PCDHA4: variants seen among roughly 807,000 people sequenced by gnomAD.
PCDHA4 encodes protocadherin alpha 4.
PCDHA4 carries 49 observed loss-of-function variants against 61.4 expected under a neutral mutation model. The ratio of observed to expected loss-of-function variants is 0.80; its 90% CI spans 0.63 to 1.01. The LOEUF is 1.01. Ranked by LOEUF, PCDHA4 falls within the 50% of genes least tolerant of loss-of-function variation. The pLI is 0.00. For synonymous variants in PCDHA4, 590 were observed against 550.3 expected, an observed-to-expected ratio of 1.07 and a Z score of -1.01; for missense variants, 1,254 against 1,235.8, an observed-to-expected ratio of 1.01 and a Z score of -0.22.
chr5:140,967,201 A>G (rs1554229306), intron 1 of PCDHA4: 7 of 1,613,620 alleles, frequency 4.3e-6, no homozygotes, highest in Non-Finnish European at 5.9e-6. Flanking sequence ...ACGACAACTC[A>G]CCGCGTTTCC....
chr5:140,928,485 C>T, intron 1 of PCDHA4: 2 of 1,614,136 alleles, frequency 1.2e-6, no homozygotes, highest in Non-Finnish European at 1.7e-6. Context: ...GGGATGGTGG[C>T]ATTCCTCCCA....
rs539900578 is a variant in PCDHA4, at chr5:140,868,861, T to C, written c.2385+59289T>C. Reference sequence around the variant, plus strand: ...ACACGTGAAATTCTGTGGTGGTAAATGCAGTGCACAGTACTCACAGTTTTA... The same window carrying C: ...ACACGTGAAATTCTGTGGTGGTAAACGCAGTGCACAGTACTCACAGTTTTA... On this transcript the variant is annotated intron_variant, in intron 1 of 3. Coordinates refer to ENST00000530339, the MANE Select transcript of PCDHA4 (RefSeq NM_018907.4). 7 of 525,402 alleles carry C rather than the reference T, an allele frequency of 1.3e-5. No homozygotes were observed. In the Admixed American group the frequency reaches 2.2e-4, roughly 17 times the overall value. 32.5% of individuals were successfully genotyped at this position (525,402 alleles called of 1,614,324 possible). A position where few individuals can be genotyped will look rare whatever the true frequency, so the allele number is the denominator to read the frequency against.
chr5:140,990,184 A>G lies in PCDHA4; in HGVS notation c.2533+7621A>G, dbSNP rs1230599539. 1.3e-5 allele frequency among the ~76,000 whole-genome samples: 2 copies of G among 152,158 alleles called. 1 individual carries two copies. The highest frequency in any genetic ancestry group is 2.9e-5 in the Non-Finnish European group (2 of 68,034). ...GGGTATGAAAAGGTGACTTTTAAGA[A>G]CCAAATGTGGACCCGAAAGAGAACA... is the stretch of plus-strand genomic sequence containing the variant. On this transcript the variant is annotated intron_variant, in intron 3 of 3. Transcript: ENST00000530339.
intron 1 of PCDHA4, among the ~76,000 whole-genome samples, chr5:140,925,526 C>T (rs2153578026): frequency 6.6e-6 from 1 of 152,028 alleles, no homozygotes; most frequent in Non-Finnish European, 1.5e-5. Flanking sequence ...AAATTAAAAG[C>T]GAGGAGAAAT....
intron 1 of PCDHA4, chr5:140,876,671 C>T (rs782473628): frequency 3.1e-6 from 5 of 1,614,212 alleles, no homozygotes; most frequent in Non-Finnish European, 2.5e-6. Flanking sequence ...CTGGTGTCCA[C>T]CTACAAGAAT....
In PCDHA4 at chr5:141,010,177, C is replaced by T; in HGVS notation, c.*240C>T. 3 of 1,556,196 alleles carry T rather than the reference C, an allele frequency of 1.9e-6. No homozygotes were observed. The highest frequency in any genetic ancestry group is 1.7e-4 in the Middle Eastern group (1 of 6,000). On this transcript the variant is annotated 3_prime_UTR_variant, in exon 4 of 4. Coordinates refer to ENST00000530339, the MANE Select transcript of PCDHA4 (RefSeq NM_018907.4). ...TGGCTTGTTTTCAGAACCTAAAAAG[C>T]AGACCCAAGTTTCCTTTCTCCTCCG... is the stretch of plus-strand genomic sequence containing the variant.
chr5:140,985,499 C>G (rs1307302690), intron 3 of PCDHA4, among the ~76,000 whole-genome samples: 1 of 152,170 alleles, frequency 6.6e-6, no homozygotes, highest in African/African-American at 2.4e-5. Flanking sequence ...TAGAGCCTGC[C>G]TTTCATTGAT....
intron 1 of PCDHA4, chr5:140,825,191 A>G (rs1768473912): frequency 6.6e-6 from 1 of 151,754 alleles, no homozygotes; most frequent in African/African-American, 2.4e-5. Flanking sequence ...CTTGATGATC[A>G]TGAATTATCA....
chr5:140,957,473 G>A (rs1307847703), intron 1 of PCDHA4, among the ~76,000 whole-genome samples: 1 of 151,954 alleles, frequency 6.6e-6, no homozygotes, highest in Non-Finnish European at 1.5e-5. Context: ...GTATGTATAG[G>A]AAAAAACATA....
chr5:140,850,112 C>T lies in PCDHA4; in HGVS notation c.2385+40540C>T, dbSNP rs2150468097. On this transcript the variant is annotated intron_variant, in intron 1 of 3. Coordinates refer to ENST00000530339, the MANE Select transcript of PCDHA4 (RefSeq NM_018907.4). ...TACAGTTCCAGGTGAGCGCGCGCGA[C>T]GCGGGCGTGCCGCCTCTGGGCAGCA... 91 of 1,595,906 alleles carry T rather than the reference C, an allele frequency of 5.7e-5. 9 individuals are homozygous for T. The highest frequency in any genetic ancestry group is 5.9e-5 in the Non-Finnish European group (69 of 1,167,846).
chr5:140,888,725 T>C (rs1254922405), intron 1 of PCDHA4, among the ~76,000 whole-genome samples: 2 of 152,156 alleles, frequency 1.3e-5, no homozygotes, highest in African/African-American at 4.8e-5. Flanking sequence ...TTTCCAGCCC[T>C]TTGTGAGCTC....
intron 1 of PCDHA4, chr5:140,967,843 T>G (rs782701780): frequency 6.2e-7 from 1 of 1,614,102 alleles, no homozygotes; most frequent in East Asian, 2.2e-5. Flanking sequence ...TGGACGTGAA[T>G]GACAATGCCC....
At chr5:140,996,389 A>G (rs543903221) in intron 3 of PCDHA4, among the ~76,000 whole-genome samples, 3 of 152,328 alleles carry the variant, frequency 2.0e-5, no homozygotes, top group Admixed American at 1.3e-4. Context: ...ATAATGCCTC[A>G]TAGAGTTTCA....
chr5:140,966,947 G>C (rs782439197), intron 1 of PCDHA4: 2 of 1,603,404 alleles, frequency 1.2e-6, no homozygotes, highest in East Asian at 2.2e-5. Flanking sequence ...CGTGGGCAAC[G>C]TGGCTCGCGC....
At chr5:140,814,217 T>G (rs1336263744) in intron 1 of PCDHA4, 1 of 136,188 alleles carries the variant, frequency 7.3e-6, no homozygotes, top group African/African-American at 3.7e-5. Flanking sequence ...TTACTTAGTG[T>G]TTTTTTTTGT....
chr5:140,948,312 G>A (rs2094238308), intron 1 of PCDHA4, among the ~76,000 whole-genome samples: 1 of 151,400 alleles, frequency 6.6e-6, no homozygotes, highest in African/African-American at 2.4e-5. Context: ...TTCTTCTTGA[G>A]GGGTAATGTT....
Position 141,010,271 on chromosome 5 carries a change from C to T in PCDHA4, c.*334C>T, listed in dbSNP as rs1031489236. The T allele has an allele frequency of 5.5e-5, 85 of 1,551,586 alleles. No individual in the cohort carries two copies. The highest frequency in any genetic ancestry group is 7.2e-5 in the Non-Finnish European group (83 of 1,146,992). On this transcript the variant is annotated 3_prime_UTR_variant, in exon 4 of 4. Coordinates refer to ENST00000530339, the MANE Select transcript of PCDHA4 (RefSeq NM_018907.4). ...CTCTCTGCCCTGTGCTCCGGGGATCCTGTCTTGATGACACTTGCAGGGCAG... is the reference window on the plus strand; with the variant it reads ...CTCTCTGCCCTGTGCTCCGGGGATCTTGTCTTGATGACACTTGCAGGGCAG...
chr5:140,854,117 G>T, intron 1 of PCDHA4: 1 of 316,936 alleles, frequency 3.2e-6, no homozygotes, highest in Non-Finnish European at 4.3e-6. Flanking sequence ...AACTGTGATG[G>T]CACAACTGCA....
Position 140,808,795 on chromosome 5 carries a change from C to T in PCDHA4, c.1608C>T (p.Thr536=), listed in dbSNP as rs1554124792. 3 of 1,612,472 alleles carry T rather than the reference C, an allele frequency of 1.9e-6. No individual in the cohort carries two copies. Among genetic ancestry groups the T allele is most frequent in the Non-Finnish European group, 8.5e-7 (1 of 1,179,842 alleles). The change falls in exon 1 of 4, where the codon ACC becomes ACT. Residue 536 remains threonine (T), a synonymous_variant. Transcript: ENST00000530339. ...EELELLQFQV[T]ARDAGVPPLG... ...TAGAGCTGCTGCAGTTTCAGGTGAC[C>T]GCTCGCGATGCCGGCGTGCCACCTC...
Sources: allele counts gnomAD v4.1 joint callset (sites outside exome capture counted in the v4.1 genomes callset), GRCh38; gene constraint gnomAD v4.1.1; transcripts MANE v1.5; gene names NCBI Gene and HGNC (gene_info 2026-07-23, HGNC 2026-07-21).